The following WWOX variants were observed in gnomAD, a reference collection of about 807,000 sequenced individuals.
The protein encoded by WWOX is WW domain containing oxidoreductase.
Under a neutral mutation model 46.2 loss-of-function variants are expected in WWOX, and 69 were observed. That is an observed-to-expected ratio of 1.49 (90% CI 1.23 to 1.82). WWOX has a LOEUF of 1.82. WWOX is among the 40% of genes most tolerant of loss of function. The pLI, the probability that WWOX is intolerant of heterozygous loss-of-function variation, is 0.00. For synonymous variants in WWOX, 359 were observed against 202.6 expected, an observed-to-expected ratio of 1.77 and a Z score of -6.56; for missense variants, 919 against 542.6, an observed-to-expected ratio of 1.69 and a Z score of -6.89.
chr16:78,827,290 A>T (rs2051683791), intron 8 of WWOX, among the ~76,000 whole-genome samples: 1 of 152,154 alleles, frequency 6.6e-6, no homozygotes, highest in Non-Finnish European at 1.5e-5. Flanking sequence ...TAAGAGCTTC[A>T]CGCAGATGAC....
chr16:78,840,313 T>A (rs896874950), intron 8 of WWOX, among the ~76,000 whole-genome samples: 1 of 152,208 alleles, frequency 6.6e-6, no homozygotes, highest in African/African-American at 2.4e-5. Flanking sequence ...TGTTCTAGTT[T>A]TGAAGAGCGA....
At chr16:78,830,800 C>G (rs1174466708) in intron 8 of WWOX, among the ~76,000 whole-genome samples, 1 of 151,840 alleles carries the variant, frequency 6.6e-6, no homozygotes, top group Non-Finnish European at 1.5e-5. Context: ...AGAGCGTTCC[C>G]TCCCTCCTTG....
In WWOX at chr16:78,321,358, G is replaced by GCGTATATATATA. The variant is rs1415212080; in HGVS notation, c.517-65492_517-65481dup. ...TATGCGTATATATATACGTATATAT[G>GCGTATATATATA]CGTATATATATACGTATATATGCGT... is the stretch of plus-strand genomic sequence containing the variant. On this transcript the variant is annotated intron_variant, in intron 5 of 8. Transcript: ENST00000566780. 1.2e-4 allele frequency among the ~76,000 whole-genome samples: 4 copies of GCGTATATATATA among 33,696 alleles called. 1 individual carries two copies. The highest frequency in any genetic ancestry group is 1.1e-3 in the African/African-American group (4 of 3,620). 22.1% of individuals were successfully genotyped at this position (33,696 alleles called of 152,430 possible).
intron 8 of WWOX, among the ~76,000 whole-genome samples, chr16:78,958,573 C>T (rs754209072): frequency 6.6e-6 from 1 of 152,310 alleles, no homozygotes; most frequent in Non-Finnish European, 1.5e-5. Context: ...GTAAGCTGAA[C>T]AGTGTTTTTT....
chr16:78,870,156 T>G (rs1039663188), intron 8 of WWOX, among the ~76,000 whole-genome samples: 1 of 152,170 alleles, frequency 6.6e-6, no homozygotes, highest in Non-Finnish European at 1.5e-5. Flanking sequence ...AGGGGGAAAT[T>G]GCTTTCCGTC....
At chr16:78,326,379 C>T (rs77030642) in intron 5 of WWOX, among the ~76,000 whole-genome samples, 8,196 of 151,868 alleles carry the variant, frequency 0.054, 719 homozygotes, top group African/African-American at 0.19. Context: ...ATTCTGCCAC[C>T]CCTATCATAC....
chr16:78,725,311 CT>C (rs1016172792), intron 8 of WWOX, among the ~76,000 whole-genome samples: 5 of 110,800 alleles, frequency 4.5e-5, no homozygotes, highest in South Asian at 3.0e-4. Context: ...TCAGGTATGT[CT>C]TTTTTTTTCC....
chr16:78,644,461 TA>T (rs201817973), intron 8 of WWOX, among the ~76,000 whole-genome samples: 3 of 150,978 alleles, frequency 2.0e-5, no homozygotes, highest in Admixed American at 2.0e-4. Context: ...CCTGGGCCCT[TA>T]TTTTTTTTTT....
chr16:79,089,422 C>G (rs1264004465), intron 8 of WWOX, among the ~76,000 whole-genome samples: 4 of 151,722 alleles, frequency 2.6e-5, no homozygotes, highest in African/African-American at 9.7e-5. Context: ...ACCTCCTCCT[C>G]CTGGGTTCAA....
At chr16:78,611,395 GA>G (rs1442539616) in intron 8 of WWOX, among the ~76,000 whole-genome samples, 1 of 152,178 alleles carries the variant, frequency 6.6e-6, no homozygotes, top group East Asian at 1.9e-4. Flanking sequence ...TACTTGGTTT[GA>G]AATGAATAAA....
intron 8 of WWOX, among the ~76,000 whole-genome samples, chr16:78,490,109 C>T (rs2738709): frequency 0.097 from 14,468 of 149,004 alleles, 790 homozygotes; most frequent in African/African-American, 0.15. Flanking sequence ...TAACACTAAA[C>T]GATTTGTTCA....
At chr16:78,611,627 A>G (rs2045902240) in intron 8 of WWOX, among the ~76,000 whole-genome samples, 1 of 152,202 alleles carries the variant, frequency 6.6e-6, no homozygotes, top group Admixed American at 6.5e-5. Context: ...TGGGAAAATG[A>G]TAGTTAGATG....
chr16:79,014,177 A>G (rs1279374982), intron 8 of WWOX, among the ~76,000 whole-genome samples: 2 of 152,082 alleles, frequency 1.3e-5, no homozygotes, highest in Admixed American at 6.6e-5. Context: ...AAGGCCCTGG[A>G]TTTTGTCAAG....
chr16:78,651,031 A>G (rs746047275), intron 8 of WWOX, among the ~76,000 whole-genome samples: 1 of 152,188 alleles, frequency 6.6e-6, no homozygotes, highest in African/African-American at 2.4e-5. Flanking sequence ...TGTTGGATTG[A>G]TAGCTCCTTG....
intron 8 of WWOX, chr16:78,892,211 G>A (rs1235138791): frequency 2.0e-5 from 3 of 152,142 alleles, no homozygotes. Context: ...TTGGAAAGAA[G>A]AAGAGGAAGT....
intron 8 of WWOX, among the ~76,000 whole-genome samples, chr16:78,763,553 C>G (rs974333964): frequency 2.5e-4 from 38 of 152,310 alleles, no homozygotes; most frequent in East Asian, 1.4e-3. Flanking sequence ...CCAAATCTCT[C>G]AAACTCAGGT....
intron 8 of WWOX, among the ~76,000 whole-genome samples, chr16:79,208,750 TG>T (rs1355601762): frequency 6.6e-6 from 1 of 152,200 alleles, no homozygotes; most frequent in East Asian, 1.9e-4. Context: ...GCCGAAAAGC[TG>T]GTGAGCCAAA....
chr16:79,198,405 T>A (rs993929908), intron 8 of WWOX, among the ~76,000 whole-genome samples: 1 of 152,160 alleles, frequency 6.6e-6, no homozygotes, highest in Non-Finnish European at 1.5e-5. Flanking sequence ...TCCTCCCGCT[T>A]TTTTTGCTCC....
intron 5 of WWOX, among the ~76,000 whole-genome samples, chr16:78,346,364 C>G (rs956120104): frequency 1.7e-5 from 2 of 120,688 alleles, no homozygotes; most frequent in South Asian, 5.0e-4. Flanking sequence ...AATATTGATG[C>G]ACTAGTCTTT....
Sources: allele counts gnomAD v4.1 joint callset (sites outside exome capture counted in the v4.1 genomes callset), GRCh38; gene constraint gnomAD v4.1.1; transcripts MANE v1.5; gene names NCBI Gene and HGNC (gene_info 2026-07-23, HGNC 2026-07-21).